The following KCNH7 variants were observed in gnomAD, a reference collection of about 807,000 sequenced individuals.
KCNH7 encodes voltage-gated inwardly rectifying potassium channel KCNH7.
Under a neutral mutation model 120.8 loss-of-function variants are expected in KCNH7, and 49 were observed. The ratio of observed to expected loss-of-function variants is 0.41; its 90% confidence interval spans 0.32 to 0.51. KCNH7 has a LOEUF of 0.51. KCNH7 is among the 20% of genes least tolerant of loss of function. The pLI is 0.38. For missense variants in KCNH7, 1,097 were observed against 1,446.6 expected (o/e 0.76, Z 3.92); for synonymous variants, 547 against 516.1 (o/e 1.06, Z -0.81).
Position 162,495,504 on chromosome 2 carries a change from T to C in KCNH7, c.1128+8939A>G, listed in dbSNP as rs183100456. Reference sequence around the variant, plus strand: ...ATTAAAGCCAATTTAAAAGCCTATGTTAAATATAACTATTCTTGCTGTACT... The same window carrying C: ...ATTAAAGCCAATTTAAAAGCCTATGCTAAATATAACTATTCTTGCTGTACT... On this transcript the variant is annotated intron_variant, in intron 6 of 15. Coordinates refer to ENST00000332142, the MANE Select transcript of KCNH7 (RefSeq NM_033272.4). 2.4e-3 allele frequency among the ~76,000 whole-genome samples: 367 copies of C among 152,314 alleles called. 2 individuals are homozygous for C. Among genetic ancestry groups the C allele is most frequent in the Non-Finnish European group, 1.9e-3 (131 of 68,030 alleles).
chr2:162,385,153 G>T (rs752960772), intron 12 of KCNH7, among the ~76,000 whole-genome samples: 10 of 151,694 alleles, frequency 6.6e-5, no homozygotes, highest in Non-Finnish European at 1.2e-4. Context: ...ATTTACAATG[G>T]TAATAATGTT....
chr2:162,515,108 G>T (rs1691233613), intron 4 of KCNH7, among the ~76,000 whole-genome samples: 1 of 151,662 alleles, frequency 6.6e-6, no homozygotes, highest in Non-Finnish European at 1.5e-5. Context: ...TGATTTTGTA[G>T]CTAAAATTTC....
intron 10 of KCNH7, among the ~76,000 whole-genome samples, chr2:162,397,239 T>C (rs1686940911): frequency 6.6e-6 from 1 of 151,794 alleles, no homozygotes; most frequent in Non-Finnish European, 1.5e-5. Flanking sequence ...GGTCGTACCA[T>C]AGAGTATTTT....
At chr2:162,438,969 T>C (rs1034661524) in intron 7 of KCNH7, among the ~76,000 whole-genome samples, 2 of 152,128 alleles carry the variant, frequency 1.3e-5, no homozygotes, top group Non-Finnish European at 1.5e-5. Context: ...CTTAGCCCCA[T>C]TGTTTAGTTT....
intron 2 of KCNH7, among the ~76,000 whole-genome samples, chr2:162,710,393 A>T (rs1201575032): frequency 1.3e-5 from 2 of 152,180 alleles, no homozygotes; most frequent in South Asian, 4.1e-4. Flanking sequence ...TTGATCTGCT[A>T]ATGACCCAAG....
chr2:162,779,046 C>T (rs949559170), intron 2 of KCNH7, among the ~76,000 whole-genome samples: 18 of 150,186 alleles, frequency 1.2e-4, no homozygotes, highest in Non-Finnish European at 1.9e-4. Context: ...ATTTTAATTA[C>T]TTATCAACTG....
At chr2:162,449,495 A>C (rs990346756) in intron 6 of KCNH7, among the ~76,000 whole-genome samples, 2 of 152,054 alleles carry the variant, frequency 1.3e-5, no homozygotes, top group Admixed American at 6.6e-5. Flanking sequence ...GTTTTTGTAG[A>C]TATAAATCAA....
chr2:162,554,645 A>G (rs1045799621), intron 2 of KCNH7, among the ~76,000 whole-genome samples: 2 of 152,080 alleles, frequency 1.3e-5, no homozygotes, highest in Non-Finnish European at 2.9e-5. Context: ...TCTGACTATG[A>G]GCCCTGCTTC....
intron 2 of KCNH7, among the ~76,000 whole-genome samples, chr2:162,597,238 C>G (rs73026682): frequency 0.062 from 9,354 of 152,030 alleles, 557 homozygotes; most frequent in East Asian, 0.18. Context: ...AGAGATATCT[C>G]TCCTCCCATG....
At chr2:162,758,585 T>G (rs1216546041) in intron 2 of KCNH7, among the ~76,000 whole-genome samples, 1 of 152,068 alleles carries the variant, frequency 6.6e-6, no homozygotes, top group Non-Finnish European at 1.5e-5. Flanking sequence ...GTATCTACAT[T>G]TACGTATCTA....
chr2:162,776,207 T>A (rs1683231007), intron 2 of KCNH7, among the ~76,000 whole-genome samples: 1 of 152,150 alleles, frequency 6.6e-6, no homozygotes, highest in Admixed American at 6.5e-5. Context: ...AATGATCCCT[T>A]CCTAGTGAAC....
intron 2 of KCNH7, among the ~76,000 whole-genome samples, chr2:162,623,041 G>C (rs1208360022): frequency 6.6e-6 from 1 of 152,130 alleles, no homozygotes; most frequent in Non-Finnish European, 1.5e-5. Context: ...ATTATTCATG[G>C]TTGAGATGGG....
intron 2 of KCNH7, among the ~76,000 whole-genome samples, chr2:162,547,189 T>C (rs565216877): frequency 6.6e-6 from 1 of 152,250 alleles, no homozygotes; most frequent in Non-Finnish European, 1.5e-5. Context: ...TCACTTAGTC[T>C]CATGAGACCA....
intron 2 of KCNH7, among the ~76,000 whole-genome samples, chr2:162,625,786 T>G (rs11892560): frequency 0.055 from 8,385 of 152,106 alleles, 489 homozygotes; most frequent in African/African-American, 0.13. Flanking sequence ...TAACAGGAAA[T>G]AATTAAGAAA....
intron 6 of KCNH7, among the ~76,000 whole-genome samples, chr2:162,475,490 G>T (rs1421769065): frequency 1.3e-5 from 2 of 152,048 alleles, no homozygotes; most frequent in African/African-American, 2.4e-5. Context: ...TTCCATATTT[G>T]GGTGTATGTA....
intron 6 of KCNH7, among the ~76,000 whole-genome samples, chr2:162,490,986 G>T (rs1444781581): frequency 6.6e-6 from 1 of 152,108 alleles, no homozygotes; most frequent in Non-Finnish European, 1.5e-5. Context: ...TCCCAGCTGG[G>T]GTACATGGCT....
chr2:162,373,388 A>C, intron 15 of KCNH7, 82 bp downstream of exon 15: 2 of 1,002,250 alleles, frequency 2.0e-6, no homozygotes, highest in Non-Finnish European at 2.7e-6. Flanking sequence ...CCTTTTCCAC[A>C]GCACCCCAAG....
At chr2:162,608,886 T>C (rs1682868819) in intron 2 of KCNH7, among the ~76,000 whole-genome samples, 1 of 152,228 alleles carries the variant, frequency 6.6e-6, no homozygotes, top group Admixed American at 6.5e-5. Context: ...CCAGCCAGAC[T>C]GAAGTACTAT....
At chr2:162,737,821 T>C (rs911340734) in intron 2 of KCNH7, among the ~76,000 whole-genome samples, 2 of 151,866 alleles carry the variant, frequency 1.3e-5, no homozygotes, top group Admixed American at 6.6e-5. Context: ...TCCCAGCACT[T>C]TGGGAGGTAG....
Sources: allele counts gnomAD v4.1 joint callset (sites outside exome capture counted in the v4.1 genomes callset), GRCh38; gene constraint gnomAD v4.1.1; transcripts MANE v1.5; gene names NCBI Gene and HGNC (gene_info 2026-07-23, HGNC 2026-07-21).